Variants in RAD51 observed in about 807,000 individuals in gnomAD.
RAD51 encodes RAD51 recombinase, also known as DNA repair protein RAD51 homolog 1.
RAD51 carries 14 observed loss-of-function variants against 41.5 expected under a neutral mutation model. That is an observed-to-expected ratio of 0.34 (90% CI 0.22 to 0.53). The LOEUF (loss-of-function observed/expected upper bound fraction) is 0.53, where lower values mean the gene tolerates loss of function less well. Among genes scored for constraint, RAD51 ranks in the 20% least tolerant of loss-of-function variants. RAD51 has a pLI of 0.95. For missense variants in RAD51, 234 were observed against 422.0 expected, an observed-to-expected ratio of 0.55 and a Z score of 3.90; for synonymous variants, 136 against 148.6, an observed-to-expected ratio of 0.92 and a Z score of 0.62.
intron 5 of RAD51, 106 bp from the exon 6 acceptor site, chr15:40,718,698 GT>G: frequency 2.0e-6 from 2 of 976,292 alleles, no homozygotes; most frequent in Admixed American, 1.8e-5. Context: ...ATTTTTAAAT[GT>G]TTTTTTCCCT....
chr15:40,731,124 A>G lies in RAD51; in HGVS notation c.966A>G (p.Glu322=). The change falls in exon 10 of 10, where the codon GAA becomes GAG. Residue 322 remains glutamate, a synonymous_variant. Coordinates refer to ENST00000267868, the MANE Select transcript of RAD51 (RefSeq NM_002875.5). ...TCTACGACTCTCCCTGTCTTCCTGA[A>G]GCTGAAGCTATGTTCGCCATTAATG... ...CKIYDSPCLP[E]AEAMFAINAD... 6.2e-7 allele frequency: 1 copy of G among 1,614,162 alleles called. No homozygotes were observed. The highest frequency in any genetic ancestry group is 8.5e-7 in the Non-Finnish European group (1 of 1,180,022).
intron 2 of RAD51, 95 bp from the exon 3 acceptor site, chr15:40,700,969 T>G: frequency 8.0e-7 from 1 of 1,246,796 alleles, no homozygotes; most frequent in Non-Finnish European, 1.1e-6. Flanking sequence ...ATTACAAGTC[T>G]TCAAGCACCT....
chr15:40,718,207 A>C (rs1175840711), intron 5 of RAD51, among the ~76,000 whole-genome samples: 3 of 139,384 alleles, frequency 2.2e-5, no homozygotes, highest in African/African-American at 8.2e-5. Flanking sequence ...TGGGCGGCGG[A>C]GTGAGACCCT....
Position 40,729,980 on chromosome 15 carries a change from G to A in RAD51, c.896+6G>A. ...GCCCATGCATCAACAACCAGGTAAG[G>A]TGTTGATGGGATCAGTTCTTCTTTT... On this transcript the variant is annotated splice_donor_region_variant and intron_variant, in intron 9 of 9. Transcript: ENST00000267868. 6.2e-7 allele frequency: 1 copy of A among 1,613,804 alleles called. No individual in the cohort carries two copies. The highest frequency in any genetic ancestry group is 8.5e-7 in the Non-Finnish European group (1 of 1,179,776).
rs762862803 is a variant in RAD51 at position 40,729,848 on chromosome 15, A to G, written c.775-5A>G. The G allele has an allele frequency of 1.7e-5, 28 of 1,614,092 alleles. No homozygotes were observed. The highest frequency in any genetic ancestry group is 2.2e-5 in the South Asian group (2 of 91,090). On this transcript the variant is annotated splice_region_variant and splice_polypyrimidine_tract_variant and intron_variant, in intron 8 of 9. Transcript: ENST00000267868. ...CAAAATTGACATTTATCCTTTCCCCATCAGTTTGGTGTAGCAGTGGTAATC... is the reference window on the plus strand; with the variant it reads ...CAAAATTGACATTTATCCTTTCCCCGTCAGTTTGGTGTAGCAGTGGTAATC...
At chr15:40,717,325 C>T (rs1596005784) in intron 5 of RAD51, among the ~76,000 whole-genome samples, 1 of 151,682 alleles carries the variant, frequency 6.6e-6, no homozygotes, top group East Asian at 1.9e-4. Flanking sequence ...GCAACAAGAG[C>T]GAAACTCCGT....
intron 7 of RAD51, 69 bp from the exon 8 acceptor site, chr15:40,729,436 G>C: frequency 6.5e-7 from 1 of 1,534,774 alleles, no homozygotes; most frequent in Admixed American, 1.7e-5. Context: ...AGATTTTAGG[G>C]TGGTAAGGAA....
In RAD51 at chr15:40,717,630, T is replaced by A. The variant is rs1156892748; in HGVS notation, c.436-1175T>A. On this transcript the variant is annotated intron_variant, in intron 5 of 9. Coordinates refer to ENST00000267868, the MANE Select transcript of RAD51 (RefSeq NM_002875.5). Reference sequence around the variant, plus strand: ...GTTTTCTCTTTAAAATTCTTTCTACTTATTTTTCTGTTTTCTCCAATTGTT... The same window carrying A: ...GTTTTCTCTTTAAAATTCTTTCTACATATTTTTCTGTTTTCTCCAATTGTT... Among the ~76,000 whole-genome samples, 7 of 152,312 alleles carry A rather than the reference T, an allele frequency of 4.6e-5. No homozygotes were observed. In the East Asian group the frequency reaches 1.3e-3, roughly 29 times the overall value.
At chr15:40,710,323 G>A (rs1595993933) in intron 5 of RAD51, among the ~76,000 whole-genome samples, 2 of 140,162 alleles carry the variant, frequency 1.4e-5, no homozygotes, top group Non-Finnish European at 3.1e-5. Context: ...CCAACATGGT[G>A]AAACCCTGTC....
In RAD51 at chr15:40,718,820, G is replaced by A; in HGVS notation, c.451G>A (p.Gly151Ser). The A allele has an allele frequency of 1.2e-6, 2 of 1,611,876 alleles. No individual in the cohort carries two copies. Among genetic ancestry groups the A allele is most frequent in the Middle Eastern group, 1.7e-4 (1 of 6,056 alleles). Residue 151 changes from glycine to serine, a missense_variant, in exon 6 of 10, where the codon GGT becomes AGT. By Grantham distance (56) the Gly-to-Ser change is moderately conservative. Transcript: ENST00000267868. Reference protein sequence around the residue: ...AVTCQLPIDRGGGEGKAMYID... With the variant: ...AVTCQLPIDRSGGEGKAMYID... ...TTCTCTATAGCTTCCCATTGACCGG[G>A]GTGGAGGTGAAGGAAAGGCCATGTA...
At chr15:40,706,134 A>G (rs759383362) in intron 3 of RAD51, 43 bp from the exon 4 acceptor site, 7 of 1,446,332 alleles carry the variant, frequency 4.8e-6, no homozygotes, top group Non-Finnish European at 5.8e-6. Context: ...CACTGTGGTA[A>G]GGAATATTAT....
chr15:40,717,584 C>T (rs897107150), intron 5 of RAD51, among the ~76,000 whole-genome samples: 2 of 152,016 alleles, frequency 1.3e-5, no homozygotes, highest in African/African-American at 4.8e-5. Flanking sequence ...ATTTCATTTA[C>T]TTCTCTTTTC....
chr15:40,717,326 G>A (rs546811679), intron 5 of RAD51, among the ~76,000 whole-genome samples: 79 of 151,998 alleles, frequency 5.2e-4, no homozygotes, highest in African/African-American at 1.5e-3. Context: ...CAACAAGAGC[G>A]AAACTCCGTC....
chr15:40,711,157 A>G (rs181892431), intron 5 of RAD51, among the ~76,000 whole-genome samples: 281 of 152,324 alleles, frequency 1.8e-3, no homozygotes, highest in Non-Finnish European at 3.5e-3. Context: ...TACTTTGGGA[A>G]GCCAAAGTGG....
rs755038066 is a variant in RAD51 at position 40,729,975 on chromosome 15, G to GT, written c.896+2dup. ...TCATCGCCCATGCATCAACAACCAG[G>GT]TAAGGTGTTGATGGGATCAGTTCTT... On this transcript the variant is annotated splice_donor_variant, in intron 9 of 9. Transcript: ENST00000267868. LOFTEE classifies it high-confidence loss of function. 1.2e-6 allele frequency: 2 copies of GT among 1,613,984 alleles called. No homozygotes were observed. Among genetic ancestry groups the GT allele is most frequent in the Non-Finnish European group, 1.7e-6 (2 of 1,179,874 alleles).
intron 5 of RAD51, among the ~76,000 whole-genome samples, chr15:40,714,390 T>C (rs756564502): frequency 6.6e-6 from 1 of 152,244 alleles, no homozygotes; most frequent in Non-Finnish European, 1.5e-5. Context: ...CAGGGACTTA[T>C]GTAGAATAAG....
chr15:40,698,786 A>G lies in RAD51; in HGVS notation c.28A>G (p.Asn10Asp). 1 of 1,614,190 alleles carries G rather than the reference A, an allele frequency of 6.2e-7. No homozygotes were observed. The change falls in exon 2 of 10, where the codon AAT (asparagine) becomes GAT (aspartate). Residue 10 changes from asparagine (N) to aspartate (D), a missense_variant. Asn to Asp is a conservative substitution (Grantham distance 23). Transcript: ENST00000267868. ...GGCAATGCAGATGCAGCTTGAAGCA[A>G]ATGCAGATACTTCAGTGGAAGAAGA... MAMQMQLEANADTSVEEESF... is the reference protein window; with the variant it reads MAMQMQLEADADTSVEEESF...
chr15:40,708,988 G>A (rs758337471), intron 4 of RAD51, 37 bp from the exon 5 acceptor site: 6 of 1,509,066 alleles, frequency 4.0e-6, no homozygotes, highest in Non-Finnish European at 5.5e-6. Context: ...CTACATGTTT[G>A]TATTATGCTA....
intron 4 of RAD51, among the ~76,000 whole-genome samples, chr15:40,706,783 A>G (rs963519286): frequency 6.6e-6 from 1 of 152,116 alleles, no homozygotes; most frequent in Non-Finnish European, 1.5e-5. Flanking sequence ...AAAATACTAA[A>G]CTTATCTGCA....
Sources: allele counts gnomAD v4.1 joint callset (sites outside exome capture counted in the v4.1 genomes callset), GRCh38; gene constraint gnomAD v4.1.1; transcripts MANE v1.5; gene names NCBI Gene and HGNC (gene_info 2026-07-23, HGNC 2026-07-21).